Variants in PEAR1 observed in about 807,000 individuals in gnomAD.
The protein encoded by PEAR1 is platelet endothelial aggregation receptor 1.
PEAR1 carries 113 observed loss-of-function variants against 131.2 expected under a neutral mutation model. That is an observed-to-expected ratio of 0.86 (90% CI 0.74 to 1.01). PEAR1 has a LOEUF of 1.01. PEAR1 is among the 50% of genes least tolerant of loss of function. The probability of loss-of-function intolerance (pLI) is 0.00; values close to 1 mark genes in which losing one functional copy is unlikely to be tolerated. For synonymous variants in PEAR1, 565 were observed against 523.3 expected, an observed-to-expected ratio of 1.08 and a Z score of -1.09; for missense variants, 1,408 against 1,391.1, an observed-to-expected ratio of 1.01 and a Z score of -0.19.
rs767079008 is a variant in PEAR1 at position 156,907,629 on chromosome 1, C to T, written c.664C>T (p.Gln222Ter). Residue 222 changes from glutamine to a stop codon, truncating the protein, a stop_gained, in exon 7 of 23, where the codon CAG becomes TAG. Transcript: ENST00000292357. LOFTEE classifies it high-confidence loss of function. ...TGPSCDVSCS[Q>*]GTSGFFCPST... ...CTGCAGCTGTGACGTGTCCTGTTCC[C>T]AGGGCACTTCTGGCTTCTTCTGCCC... The T allele has an allele frequency of 1.9e-6, 3 of 1,613,730 alleles. No homozygotes were observed. The highest frequency in any genetic ancestry group is 2.5e-6 in the Non-Finnish European group (3 of 1,179,758).
At position 156,913,871 on chromosome 1, in the gene PEAR1, G is replaced by A. The variant is rs1651570035; in HGVS notation, c.2733G>A (p.Glu911=). 6.2e-7 allele frequency: 1 copy of A among 1,613,488 alleles called. No homozygotes were observed. The highest frequency in any genetic ancestry group is 8.5e-7 in the Non-Finnish European group (1 of 1,179,796). Residue 911 remains glutamate (E), a synonymous_variant, in exon 22 of 23, where the codon GAG becomes GAA. Transcript: ENST00000292357. ...CCTTAGGGCTCATCTCTGAAGAGGAGCTCGGGGCCAGTGTGGCTTCCCTGA... is the reference window on the plus strand; with the variant it reads ...CCTTAGGGCTCATCTCTGAAGAGGAACTCGGGGCCAGTGTGGCTTCCCTGA... ...FYNKGLISEE[E]LGASVASLSS... is the part of the protein sequence containing the mutation.
At chr1:156,905,223 CAG>C (rs373250277) in intron 3 of PEAR1, 99 bp from the exon 4 acceptor site, 11 of 1,294,948 alleles carry the variant, frequency 8.5e-6, no homozygotes, top group African/African-American at 4.4e-5. Context: ...GCCCTCAGCC[CAG>C]AGTGTTGAGT....
At position 156,908,929 on chromosome 1, in the gene PEAR1, C is replaced by T. The variant is rs1650710902; in HGVS notation, c.1304C>T (p.Ala435Val). 3 of 1,613,730 alleles carry T rather than the reference C, an allele frequency of 1.9e-6. No individual in the cohort carries two copies. Among genetic ancestry groups the T allele is most frequent in the Non-Finnish European group, 2.5e-6 (3 of 1,179,964 alleles). ...ACCCTCTTTCAGGGCCCTCACTGTG[C>T]TAGTCTTTGTCCTCCTGACACCTAC... ...CAPGYTGPHCASLCPPDTYGV... is the reference protein window; with the variant it reads ...CAPGYTGPHCVSLCPPDTYGV... Residue 435 changes from alanine to valine, a missense_variant, in exon 11 of 23, where the codon GCT (alanine) becomes GTT (valine). Transcript: ENST00000292357. This position sits in a 1 kb window ranked among gnomAD's most constrained non-coding sequence, Gnocchi z 4.2.
chr1:156,908,366 G>A lies in PEAR1; in HGVS notation c.1115+26G>A. 6.8e-7 allele frequency: 1 copy of A among 1,476,986 alleles called. No homozygotes were observed. 91.5% of individuals were successfully genotyped at this position (1,476,986 alleles called of 1,614,324 possible). A position where few individuals can be genotyped will look rare whatever the true frequency, so the allele number is the denominator to read the frequency against. On this transcript the variant is annotated intron_variant, in intron 9 of 22. Transcript: ENST00000292357. The surrounding 1 kb of genome is among the most constrained non-coding windows in gnomAD (Gnocchi z 4.2). ...GTGGGCCGCGGGACATGTGGTCAAA[G>A]GATCAGGAGGCCAATGGGGAGGTCT... is the stretch of plus-strand genomic sequence containing the variant.
At chr1:156,897,449 G>C (rs774723174) in intron 1 of PEAR1, among the ~76,000 whole-genome samples, 1 of 152,192 alleles carries the variant, frequency 6.6e-6, no homozygotes, top group Non-Finnish European at 1.5e-5. Context: ...GGAGTACGTC[G>C]GGGGCTGTGA....
chr1:156,897,436 C>T (rs911624236), intron 1 of PEAR1, among the ~76,000 whole-genome samples: 8 of 152,212 alleles, frequency 5.3e-5, no homozygotes, highest in Admixed American at 1.3e-4. Flanking sequence ...GCCCAGCAGA[C>T]TTGGAGTACG....
At chr1:156,898,673 C>T (rs1011224131) in intron 1 of PEAR1, among the ~76,000 whole-genome samples, 2 of 152,174 alleles carry the variant, frequency 1.3e-5, no homozygotes, top group Non-Finnish European at 2.9e-5. Context: ...CACAGAGAAA[C>T]AGACACAGAG....
At chr1:156,911,242 CTTCT>C (rs993839256) in intron 15 of PEAR1, among the ~76,000 whole-genome samples, 1 of 93,676 alleles carries the variant, frequency 1.1e-5, no homozygotes, top group Admixed American at 1.2e-4. Context: ...TCTTTTCTTT[CTTCT>C]TTCTTTCTTC....
intron 3 of PEAR1, chr1:156,905,089 G>GGC (rs1034134999): frequency 1.5e-6 from 2 of 1,309,264 alleles, no homozygotes; most frequent in African/African-American, 3.0e-5. Context: ...GGTTGGGGGG[G>GGC]GGGCAAGAAG....
chr1:156,909,018 G>C lies in PEAR1; in HGVS notation c.1393G>C (p.Glu465Gln), dbSNP rs1440025067. 6.2e-7 allele frequency: 1 copy of C among 1,613,956 alleles called. No homozygotes were observed. The highest frequency in any genetic ancestry group is 2.2e-5 in the East Asian group (1 of 44,890). ...NAIACSPIDG[E>Q]CVCKEGWQRG... ...CATCGCCTGCTCACCCATCGACGGC[G>C]AGTGCGTCTGCAAGGAAGGTAATAG... Residue 465 changes from glutamate to glutamine, a missense_variant, in exon 11 of 23, where the codon GAG becomes CAG. By Grantham distance (29) the Glu-to-Gln change is conservative. Transcript: ENST00000292357.
rs114896181 is a variant in PEAR1 at position 156,914,694 on chromosome 1, C to G, written c.3010C>G (p.Pro1004Ala). ...GCCCCCTCTGCCTCCGGGCCTACCC[C>G]CCGGCCACTATGACTCACCCAAGAA... ...SQPPLPPGLP[P>A]GHYDSPKNSH... The change falls in exon 23 of 23, where the codon CCC becomes GCC. Residue 1004 changes from proline (P) to alanine (A), a missense_variant. Pro to Ala is a conservative substitution (Grantham distance 27). Transcript: ENST00000292357. The G allele has an allele frequency of 9.3e-6, 15 of 1,613,876 alleles. No homozygotes were observed. The African/African-American group carries it at 1.3e-4, about 14-fold the overall frequency.
At chr1:156,905,185 C>A in intron 3 of PEAR1, 139 bp from the exon 4 acceptor site, 2 of 1,085,810 alleles carry the variant, frequency 1.8e-6, no homozygotes, top group Non-Finnish European at 2.7e-6. Flanking sequence ...TGCACTGCAA[C>A]CTCAAACAGG....
At chr1:156,911,037 T>TTTACTTTC in intron 15 of PEAR1, among the ~76,000 whole-genome samples, 1 of 113,338 alleles carries the variant, frequency 8.8e-6, no homozygotes, top group South Asian at 3.4e-4. Context: ...CTTGATTTCT[T>TTTACTTTC]TTTCTTTCTT....
rs750800610 is a variant in PEAR1, at chr1:156,908,899, C to A, written c.1291-17C>A. On this transcript the variant is annotated splice_polypyrimidine_tract_variant and intron_variant, in intron 10 of 22. Coordinates refer to ENST00000292357, the MANE Select transcript of PEAR1 (RefSeq NM_001080471.3). The surrounding 1 kb of genome is among the most constrained non-coding windows in gnomAD (Gnocchi z 4.2). ...CAAGGAATGGGCCGCCCCTCTCACC[C>A]GCTCACCCTCTTTCAGGGCCCTCAC... 4.3e-5 allele frequency: 69 copies of A among 1,611,914 alleles called. No homozygotes were observed. The highest frequency in any genetic ancestry group is 5.6e-5 in the Non-Finnish European group (66 of 1,179,892).
Position 156,908,740 on chromosome 1 carries a change from G to A in PEAR1, c.1201G>A (p.Gly401Arg). 6.4e-7 allele frequency: 1 copy of A among 1,570,654 alleles called. No individual in the cohort carries two copies. The highest frequency in any genetic ancestry group is 1.1e-5 in the South Asian group (1 of 87,382). Reference sequence around the variant, plus strand: ...CGAGAGCTGCCCGCAGGACACGCATGGGCCAGGGTGCCAGGAGCACTGTCT... The same window carrying A: ...CGAGAGCTGCCCGCAGGACACGCATAGGCCAGGGTGCCAGGAGCACTGTCT... ...CNESCPQDTH[G>R]PGCQEHCLCL... is the part of the protein sequence containing the mutation. Residue 401 changes from glycine to arginine, a missense_variant, in exon 10 of 23, where the codon GGG becomes AGG. Coordinates refer to ENST00000292357, the MANE Select transcript of PEAR1 (RefSeq NM_001080471.3). The surrounding 1 kb of genome is among the most constrained non-coding windows in gnomAD (Gnocchi z 4.2).
In PEAR1 at chr1:156,910,113, G is replaced by A. The variant is rs1402997575; in HGVS notation, c.1678+5G>A. On this transcript the variant is annotated splice_donor_5th_base_variant and intron_variant, in intron 13 of 22. Coordinates refer to ENST00000292357, the MANE Select transcript of PEAR1 (RefSeq NM_001080471.3). ...AGTGCCAGGCTGGCTGGATGGGTGA[G>A]CATTCTGGGGCCCCAGGCCTACTGT... 2 of 1,614,060 alleles carry A rather than the reference G, an allele frequency of 1.2e-6. No homozygotes were observed. The highest frequency in any genetic ancestry group is 1.1e-5 in the South Asian group (1 of 91,084).
chr1:156,895,510 C>T (rs1310257359), intron 1 of PEAR1, among the ~76,000 whole-genome samples: 1 of 152,154 alleles, frequency 6.6e-6, no homozygotes, highest in Non-Finnish European at 1.5e-5. Context: ...ATCTAACCTA[C>T]AGGGGAGAAG....
chr1:156,906,618 C>T lies in PEAR1; in HGVS notation c.401-19C>T, dbSNP rs781759197. The T allele has an allele frequency of 1.2e-6, 2 of 1,613,804 alleles. No individual in the cohort carries two copies. Among genetic ancestry groups the T allele is most frequent in the Admixed American group, 1.7e-5 (1 of 60,000 alleles). On this transcript the variant is annotated intron_variant, in intron 5 of 22. Coordinates refer to ENST00000292357, the MANE Select transcript of PEAR1 (RefSeq NM_001080471.3). The stretch of plus-strand genomic sequence containing the variant: ...GACTAGACCCCTGGTGACCCCCTTC[C>T]CGCCTCCTTATCCCACAGAGTGTGC...
chr1:156,895,429 A>C (rs1649072964), intron 1 of PEAR1, among the ~76,000 whole-genome samples: 1 of 152,234 alleles, frequency 6.6e-6, no homozygotes, highest in Non-Finnish European at 1.5e-5. Context: ...GCCTTGAGAA[A>C]GAGGCCTCCC....
Sources: gnomAD v4.1 joint callset for allele counts (sites outside exome capture counted in the v4.1 genomes callset) on GRCh38, gnomAD v4.1.1 for gene constraint, Gnocchi (gnomAD v3.1) non-coding constraint, MANE v1.5 for transcripts, NCBI Gene and HGNC (gene_info 2026-07-23, HGNC 2026-07-21) for gene names.